Variants in PCDHGB7 observed in about 807,000 individuals in gnomAD.
The protein encoded by PCDHGB7 is protocadherin gamma subfamily B, 7.
A neutral mutation model predicts 61.4 loss-of-function variants in PCDHGB7; 37 were observed. The observed-to-expected ratio is 0.60, with a 90% CI of 0.46 to 0.79. The LOEUF (loss-of-function observed/expected upper bound fraction) is 0.79, where lower values mean the gene tolerates loss of function less well. Ranked by LOEUF, PCDHGB7 falls within the 30% of genes least tolerant of loss-of-function variation. The pLI is 0.00. For synonymous variants in PCDHGB7, 464 were observed against 503.5 expected, an observed-to-expected ratio of 0.92 and a Z score of 1.05; for missense variants, 1,166 against 1,202.5, an observed-to-expected ratio of 0.97 and a Z score of 0.45.
intron 1 of PCDHGB7, among the ~76,000 whole-genome samples, chr5:141,457,444 G>T (rs1253183319): frequency 6.6e-6 from 1 of 152,134 alleles, no homozygotes; most frequent in African/African-American, 2.4e-5. Context: ...AGCTGCAGAA[G>T]ATCACCACTT....
intron 1 of PCDHGB7, among the ~76,000 whole-genome samples, chr5:141,474,075 C>T (rs2099339724): frequency 6.6e-6 from 1 of 151,902 alleles, no homozygotes; most frequent in African/African-American, 2.4e-5. Flanking sequence ...GCCTCAGAAA[C>T]AAAAACCAAA....
intron 1 of PCDHGB7, among the ~76,000 whole-genome samples, chr5:141,456,845 C>T (rs1308477735): frequency 6.6e-6 from 1 of 152,092 alleles, no homozygotes; most frequent in African/African-American, 2.4e-5. Context: ...CGCCTGTAAT[C>T]CCAGCTAATT....
Position 141,511,165 on chromosome 5 carries a change from A to G in PCDHGB7, c.2782A>G (p.Lys928Glu). 1 of 1,614,096 alleles carries G rather than the reference A, an allele frequency of 6.2e-7. No homozygotes were observed. Among genetic ancestry groups the G allele is most frequent in the East Asian group, 2.2e-5 (1 of 44,870 alleles). ...CAAGAAGAAGTCGGGCAAGAAGGAGAAGAAGTAACATGGAGGCCAGGCCAA... is the reference window on the plus strand; with the variant it reads ...CAAGAAGAAGTCGGGCAAGAAGGAGGAGAAGTAACATGGAGGCCAGGCCAA... ...GNKKKSGKKE[K>E]K Residue 928 changes from lysine (K) to glutamate (E), a missense_variant, in exon 4 of 4, where the codon AAG (lysine) becomes GAG (glutamate). Physicochemically the swap from Lys to Glu is moderately conservative, Grantham distance 56. Transcript: ENST00000398594.
At chr5:141,495,279 G>T (rs72790069) in intron 2 of PCDHGB7, among the ~76,000 whole-genome samples, 4 of 152,146 alleles carry the variant, frequency 2.6e-5, no homozygotes, top group Non-Finnish European at 5.9e-5. Context: ...CGGAGGAGGC[G>T]GTCCGCACTC....
chr5:141,440,373 G>A (rs866892003), intron 1 of PCDHGB7: 2 of 152,214 alleles, frequency 1.3e-5, no homozygotes, highest in Non-Finnish European at 2.9e-5. Context: ...GGCCGAGGCA[G>A]GAGAATCGCT....
rs781336795 is a variant in PCDHGB7, at chr5:141,477,936, C to T, written c.2416-16871C>T. Reference sequence around the variant, plus strand: ...GATGCAGGGCACAATGCCTGGCTCTCCTACAGTCTCTTGGGATCCCCTAAC... The same window carrying T: ...GATGCAGGGCACAATGCCTGGCTCTTCTACAGTCTCTTGGGATCCCCTAAC... On this transcript the variant is annotated intron_variant, in intron 1 of 3. Transcript: ENST00000398594. This position sits in a 1 kb window ranked among gnomAD's most constrained non-coding sequence, Gnocchi z 4.9. 1.2e-6 allele frequency: 2 copies of T among 1,614,170 alleles called. No homozygotes were observed. The highest frequency in any genetic ancestry group is 1.1e-5 in the South Asian group (1 of 91,088).
At chr5:141,463,682 G>A (rs62379195) in intron 1 of PCDHGB7, among the ~76,000 whole-genome samples, 7,165 of 151,926 alleles carry the variant, frequency 0.047, 241 homozygotes, top group Middle Eastern at 0.095. Context: ...GGATGACCTC[G>A]TGATCTGCTC....
In PCDHGB7 at chr5:141,430,862, G is replaced by A. The variant is rs1365140768; in HGVS notation, c.2415+10588G>A. ...CGGATGCACCCAGATACGCTATTCA[G>A]TTCCGGAAGAGCTGGAGAAAGGCTC... is the stretch of plus-strand genomic sequence containing the variant. On this transcript the variant is annotated intron_variant, in intron 1 of 3. Transcript: ENST00000398594. 3 of 1,594,672 alleles carry A rather than the reference G, an allele frequency of 1.9e-6. No individual in the cohort carries two copies. The African/African-American group carries it at 4.0e-5, about 21-fold the overall frequency.
At chr5:141,472,617 A>G (rs1024856184) in intron 1 of PCDHGB7, among the ~76,000 whole-genome samples, 3 of 152,138 alleles carry the variant, frequency 2.0e-5, no homozygotes, top group African/African-American at 7.2e-5. Flanking sequence ...CAAAGAAGAA[A>G]AAAGATAAAG....
Position 141,511,201 on chromosome 5 carries a change from G to A in PCDHGB7, c.*28G>A, listed in dbSNP as rs2099883661. On this transcript the variant is annotated 3_prime_UTR_variant, in exon 4 of 4. Transcript: ENST00000398594. ...TGGAGGCCAGGCCAAGAGCCACAGG[G>A]CGGCCTCTCCCCAACCAGCCCAGCT... 2 of 1,612,600 alleles carry A rather than the reference G, an allele frequency of 1.2e-6. No homozygotes were observed. The highest frequency in any genetic ancestry group is 1.7e-6 in the Non-Finnish European group (2 of 1,179,344).
chr5:141,468,920 A>G (rs2099185605), intron 1 of PCDHGB7, among the ~76,000 whole-genome samples: 1 of 151,612 alleles, frequency 6.6e-6, no homozygotes, highest in South Asian at 2.1e-4. Context: ...AGAAGAGAAT[A>G]GCACTAAAAT....
At chr5:141,426,625 A>G (rs770683989) in intron 1 of PCDHGB7, 29 of 394,754 alleles carry the variant, frequency 7.3e-5, no homozygotes, top group South Asian at 7.2e-5. Context: ...AATCCTCTAA[A>G]TGTTTTTCAC....
Position 141,485,048 on chromosome 5 carries a change from C to T in PCDHGB7, c.2416-9759C>T. ...AAACGGCGCGTAACCCTTGCGGCGC[C>T]GGCCGAACCGCGCCAGAGCTGGCGC... On this transcript the variant is annotated intron_variant, in intron 1 of 3. Transcript: ENST00000398594. The surrounding 1 kb of genome is among the most constrained non-coding windows in gnomAD (Gnocchi z 5.7). 1 of 770,392 alleles carries T rather than the reference C, an allele frequency of 1.3e-6. No individual in the cohort carries two copies. Among genetic ancestry groups the T allele is most frequent in the South Asian group, 1.7e-5 (1 of 58,120 alleles). 47.7% of individuals were successfully genotyped at this position (770,392 alleles called of 1,614,324 possible). A position where few individuals can be genotyped will look rare whatever the true frequency, so the allele number is the denominator to read the frequency against.
At chr5:141,470,242 T>C (rs1301513342) in intron 1 of PCDHGB7, among the ~76,000 whole-genome samples, 1 of 152,344 alleles carries the variant, frequency 6.6e-6, no homozygotes, top group South Asian at 2.1e-4. Flanking sequence ...CCCTTGAATG[T>C]CCCACCTGTC....
rs1033888717 is a variant in PCDHGB7 at position 141,512,540 on chromosome 5, T to C, written c.*1367T>C. 6.5e-6 allele frequency: 1 copy of C among 152,886 alleles called. No homozygotes were observed. Among genetic ancestry groups the C allele is most frequent in the African/African-American group, 2.4e-5 (1 of 41,476 alleles). 9.5% of individuals were successfully genotyped at this position (152,886 alleles called of 1,614,324 possible). ...CCATAGCCTGGTTAAAGTTCCCCAGTGCCTCCTTGTGCATAGACCTTCTTC... is the reference window on the plus strand; with the variant it reads ...CCATAGCCTGGTTAAAGTTCCCCAGCGCCTCCTTGTGCATAGACCTTCTTC... On this transcript the variant is annotated 3_prime_UTR_variant, in exon 4 of 4. Transcript: ENST00000398594.
intron 1 of PCDHGB7, among the ~76,000 whole-genome samples, chr5:141,464,370 T>C (rs1239284694): frequency 6.6e-6 from 1 of 151,828 alleles, no homozygotes. Context: ...CCAATATTTT[T>C]GCAATATAAA....
In PCDHGB7 at chr5:141,489,684, T is replaced by A; in HGVS notation, c.2416-5123T>A. 1 of 1,614,180 alleles carries A rather than the reference T, an allele frequency of 6.2e-7. No homozygotes were observed. Among genetic ancestry groups the A allele is most frequent in the South Asian group, 1.1e-5 (1 of 91,078 alleles). ...TGCGCATCTCAGAATCAGCAGCATC[T>A]GGGGCACGATTCCCACTGGACAGTG... On this transcript the variant is annotated intron_variant, in intron 1 of 3. Transcript: ENST00000398594. This position sits in a 1 kb window ranked among gnomAD's most constrained non-coding sequence, Gnocchi z 4.5.
At chr5:141,426,788 T>C (rs2096960035) in intron 1 of PCDHGB7, 1 of 456,568 alleles carries the variant, frequency 2.2e-6, no homozygotes, top group African/African-American at 2.0e-5. Context: ...CTCTCCAGAG[T>C]TACCAGCTCA....
chr5:141,464,144 A>G (rs1305530394), intron 1 of PCDHGB7, among the ~76,000 whole-genome samples: 1 of 152,030 alleles, frequency 6.6e-6, no homozygotes, highest in South Asian at 2.1e-4. Context: ...GGGCGCCTGT[A>G]GTCCCAGCTA....
Sources: gnomAD v4.1 joint callset for allele counts (sites outside exome capture counted in the v4.1 genomes callset) on GRCh38, gnomAD v4.1.1 for gene constraint, Gnocchi (gnomAD v3.1) non-coding constraint, MANE v1.5 for transcripts, NCBI Gene and HGNC (gene_info 2026-07-23, HGNC 2026-07-21) for gene names.